PLCB4: variants seen among roughly 807,000 people sequenced by gnomAD.
The protein encoded by PLCB4 is phospholipase C beta 4.
In PLCB4, 77 loss-of-function variants were observed where a neutral mutation model predicts 178.8. The observed-to-expected ratio is 0.43, with a 90% CI of 0.36 to 0.52. The LOEUF (loss-of-function observed/expected upper bound fraction) is 0.52, where lower values mean the gene tolerates loss of function less well. PLCB4 is among the 20% of genes least tolerant of loss of function. PLCB4 has a pLI of 0.00. For missense variants in PLCB4, 1,024 were observed against 1,453.4 expected, an observed-to-expected ratio of 0.70 and a Z score of 4.80; for synonymous variants, 496 against 490.8, an observed-to-expected ratio of 1.01 and a Z score of -0.14.
intron 30 of PLCB4, among the ~76,000 whole-genome samples, chr20:9,437,732 A>G (rs1175617552): frequency 1.3e-5 from 2 of 152,216 alleles, no homozygotes; most frequent in Non-Finnish European, 2.9e-5. Context: ...CATCCTGAGA[A>G]GGTCATGGGA....
At chr20:9,322,101 C>G (rs1038144449) in intron 4 of PLCB4, among the ~76,000 whole-genome samples, 5 of 151,150 alleles carry the variant, frequency 3.3e-5, no homozygotes, top group Admixed American at 6.6e-5. Flanking sequence ...ACAGGCAGAG[C>G]CACCACACCC....
chr20:9,327,620 CA>C (rs199942810), intron 4 of PLCB4, among the ~76,000 whole-genome samples: 1 of 150,456 alleles, frequency 6.6e-6, no homozygotes, highest in East Asian at 2.0e-4. Context: ...ACTAAAAATA[CA>C]AAAAATTAGC....
At chr20:9,119,264 T>C (rs1568785101) in intron 2 of PLCB4, among the ~76,000 whole-genome samples, 1 of 152,202 alleles carries the variant, frequency 6.6e-6, no homozygotes, top group Admixed American at 6.5e-5. Flanking sequence ...TTTTCAGCTG[T>C]ATTGAGATTC....
chr20:9,289,049 A>C (rs1205842297), intron 3 of PLCB4, among the ~76,000 whole-genome samples: 2 of 152,232 alleles, frequency 1.3e-5, no homozygotes, highest in Middle Eastern at 3.4e-3. Context: ...TTTTATCCCC[A>C]AAACTCAATT....
chr20:9,122,080 G>T (rs1162085450), intron 2 of PLCB4, among the ~76,000 whole-genome samples: 1 of 152,144 alleles, frequency 6.6e-6, no homozygotes, highest in Non-Finnish European at 1.5e-5. Flanking sequence ...GGACTAGCTA[G>T]TTTAATATTT....
At chr20:9,363,182 T>C (rs1480448791) in intron 8 of PLCB4, among the ~76,000 whole-genome samples, 3 of 152,164 alleles carry the variant, frequency 2.0e-5, no homozygotes, top group South Asian at 2.1e-4. Flanking sequence ...AAAACCTATA[T>C]GAAAAGAATA....
At chr20:9,164,999 G>A (rs921572859) in intron 2 of PLCB4, among the ~76,000 whole-genome samples, 1 of 152,130 alleles carries the variant, frequency 6.6e-6, no homozygotes, top group African/African-American at 2.4e-5. Context: ...ATTGCATTTG[G>A]GTGGTGTTTT....
chr20:9,255,826 T>A (rs2094228223), intron 3 of PLCB4, among the ~76,000 whole-genome samples: 1 of 152,068 alleles, frequency 6.6e-6, no homozygotes, highest in African/African-American at 2.4e-5. Flanking sequence ...AAATAAGTCT[T>A]TATTTGCAAA....
Position 9,407,989 on chromosome 20 carries a change from C to T in PLCB4, c.1720C>T (p.His574Tyr). 6.2e-7 allele frequency: 1 copy of T among 1,611,606 alleles called. No homozygotes were observed. The highest frequency in any genetic ancestry group is 1.1e-5 in the South Asian group (1 of 91,032). Residue 574 changes from histidine to tyrosine, a missense_variant, in exon 22 of 40, where the codon CAT (histidine) becomes TAT (tyrosine). Coordinates refer to ENST00000378473, the MANE Select transcript of PLCB4 (RefSeq NM_001377142.1). ...YKYVGATTNI[H>Y]PYLSTMINYA... ...ATATGTAGGTGCTACCACTAATATC[C>T]ATCCATATTTGTCCACAATGATCAA...
intron 15 of PLCB4, among the ~76,000 whole-genome samples, chr20:9,389,343 G>T (rs893801602): frequency 6.6e-6 from 1 of 151,900 alleles, no homozygotes; most frequent in African/African-American, 2.4e-5. Context: ...AGGAAACAAG[G>T]GATACTGCAA....
chr20:9,110,893 CA>C (rs2146689069), intron 2 of PLCB4, among the ~76,000 whole-genome samples: 1 of 152,266 alleles, frequency 6.6e-6, no homozygotes, highest in South Asian at 2.1e-4. Flanking sequence ...CAAAATCCTA[CA>C]ACCCACAAAT....
intron 3 of PLCB4, among the ~76,000 whole-genome samples, chr20:9,304,299 T>A (rs2094739711): frequency 6.6e-6 from 1 of 152,058 alleles, no homozygotes; most frequent in African/African-American, 2.4e-5. Flanking sequence ...TGTCATTAAT[T>A]TATATGTTTC....
intron 30 of PLCB4, among the ~76,000 whole-genome samples, chr20:9,438,194 G>A (rs572821798): frequency 7.2e-5 from 11 of 151,914 alleles, no homozygotes; most frequent in East Asian, 5.8e-4. Context: ...TTGAAACCCC[G>A]TCTCTACTAA....
At chr20:9,337,645 A>G (rs565236652) in intron 5 of PLCB4, among the ~76,000 whole-genome samples, 47 of 152,300 alleles carry the variant, frequency 3.1e-4, no homozygotes, top group African/African-American at 1.1e-3. Context: ...TGAATTTAAG[A>G]AAAGAATTAA....
intron 2 of PLCB4, among the ~76,000 whole-genome samples, chr20:9,154,807 T>TTTTCC (rs1164018666): frequency 2.9e-4 from 42 of 144,504 alleles, no homozygotes; most frequent in African/African-American, 9.2e-4. Context: ...CTTTCCTTTC[T>TTTTCC]TTTCCTTTCC....
At chr20:9,235,047 G>A (rs561599630) in intron 3 of PLCB4, among the ~76,000 whole-genome samples, 18 of 152,274 alleles carry the variant, frequency 1.2e-4, no homozygotes, top group Admixed American at 2.6e-4. Flanking sequence ...TGAGGCAAGG[G>A]AGTGAAGAGT....
chr20:9,443,864 A>G (rs753748219), intron 30 of PLCB4, 117 bp from the exon 31 acceptor site: 153 of 625,302 alleles, frequency 2.4e-4, no homozygotes, highest in Non-Finnish European at 3.9e-4. Context: ...TATATTCATC[A>G]TATGTAAAGC....
chr20:9,326,677 G>A (rs775129332), intron 4 of PLCB4, among the ~76,000 whole-genome samples: 6 of 152,118 alleles, frequency 3.9e-5, no homozygotes, highest in African/African-American at 1.4e-4. Context: ...AATAAAAACT[G>A]TGTTGTGATG....
chr20:9,408,482 T>TG (rs2039617514), intron 22 of PLCB4, 151 bp from the exon 23 acceptor site: 4 of 516,976 alleles, frequency 7.7e-6, no homozygotes, highest in Non-Finnish European at 1.4e-5. Flanking sequence ...ATCCACAGGA[T>TG]GTCAATGAAA....
Sources: allele counts gnomAD v4.1 joint callset (sites outside exome capture counted in the v4.1 genomes callset), GRCh38; gene constraint gnomAD v4.1.1; transcripts MANE v1.5; gene names NCBI Gene and HGNC (gene_info 2026-07-23, HGNC 2026-07-21).